Variants in LPIN1 observed in about 807,000 individuals in gnomAD.
The protein encoded by LPIN1 is phosphatidate phosphatase LPIN1.
LPIN1 carries 71 observed loss-of-function variants against 107.5 expected under a neutral mutation model. That is an observed-to-expected ratio of 0.66 (90% confidence interval 0.55 to 0.80). The LOEUF is 0.80. Among genes scored for constraint, LPIN1 ranks in the 30% least tolerant of loss-of-function variants. The pLI is 0.00. For missense variants in LPIN1, 1,043 were observed against 1,160.6 expected (o/e 0.90, Z 1.47); for synonymous variants, 445 against 452.6 (o/e 0.98, Z 0.21).
chr2:11,752,313 T>G (rs1667918127), intron 1 of LPIN1, among the ~76,000 whole-genome samples: 1 of 152,186 alleles, frequency 6.6e-6, no homozygotes, highest in Non-Finnish European at 1.5e-5. Context: ...CTGAAAGGCC[T>G]CTTTCGATTC....
At position 11,707,665 on chromosome 2, in the gene LPIN1, G is replaced by T. The variant is rs548808658; in HGVS notation, c.82-6091G>T. Among the ~76,000 whole-genome samples, 46 of 152,270 alleles carry T rather than the reference G, an allele frequency of 3.0e-4. No individual in the cohort carries two copies. In the South Asian group the frequency reaches 7.7e-3, roughly 25 times the overall value. On this transcript the variant is annotated intron_variant, in intron 1 of 21. Coordinates refer to the LPIN1 transcript ENST00000449576. This position sits in a 1 kb window ranked among gnomAD's most constrained non-coding sequence, Gnocchi z 4.2. ...TGCACGCACGGGGAGAAGTGCTCGGGGTCCCCCACTGGAGGTGGAGCTGCA... is the reference window on the plus strand; with the variant it reads ...TGCACGCACGGGGAGAAGTGCTCGGTGTCCCCCACTGGAGGTGGAGCTGCA...
Position 11,699,962 on chromosome 2 carries a change from C to A in LPIN1, c.82-13794C>A, listed in dbSNP as rs4586607. Among the ~76,000 whole-genome samples the A allele has an allele frequency of 6.0e-3, 915 of 152,248 alleles. 5 individuals are homozygous for A. Among genetic ancestry groups the A allele is most frequent in the Admixed American group, 8.7e-3 (133 of 15,294 alleles). ...TTAAAAAAAAAATGGGATGTAATACCCACAGCATTTGGAGAACTAAATGAA... is the reference window on the plus strand; with the variant it reads ...TTAAAAAAAAAATGGGATGTAATACACACAGCATTTGGAGAACTAAATGAA... On this transcript the variant is annotated intron_variant, in intron 1 of 21. Coordinates refer to the LPIN1 transcript ENST00000449576.
intron 1 of LPIN1, among the ~76,000 whole-genome samples, chr2:11,757,459 C>G (rs531883210): frequency 1.2e-4 from 18 of 152,158 alleles, no homozygotes; most frequent in South Asian, 2.1e-4. Flanking sequence ...GCCTTTTACT[C>G]GAAACATAAC....
chr2:11,713,692 C>T, intron 1 of LPIN1: 2 of 962,940 alleles, frequency 2.1e-6, no homozygotes, highest in Non-Finnish European at 3.1e-6. Context: ...AGTTATGCAA[C>T]CATTACCACC....
chr2:11,738,576 C>T (rs1666026406), intron 1 of LPIN1, among the ~76,000 whole-genome samples: 2 of 149,714 alleles, frequency 1.3e-5, no homozygotes, highest in Non-Finnish European at 2.9e-5. Flanking sequence ...TGTGAAACAA[C>T]AGTTAGTGGA....
chr2:11,801,207 A>T (rs1211502123), intron 14 of LPIN1, among the ~76,000 whole-genome samples: 1 of 152,252 alleles, frequency 6.6e-6, no homozygotes, highest in Non-Finnish European at 1.5e-5. Flanking sequence ...GATTTCTTAG[A>T]AAACTAAAAA....
intron 7 of LPIN1, 48 bp from the exon 8 acceptor site, chr2:11,782,153 T>A: frequency 6.7e-7 from 1 of 1,494,344 alleles, no homozygotes; most frequent in Non-Finnish European, 9.3e-7. Context: ...TGGTTGCCTT[T>A]GTGCTGACCT....
chr2:11,719,791 C>CTTTT (rs67142448), upstream of LPIN1, among the ~76,000 whole-genome samples: 55 of 132,764 alleles, frequency 4.1e-4, no homozygotes, highest in African/African-American at 1.4e-3. Context: ...CCAATTGCTT[C>CTTTT]TTTTTTTTTT....
intron 17 of LPIN1, among the ~76,000 whole-genome samples, chr2:11,808,262 A>G (rs1049078206): frequency 1.3e-5 from 2 of 152,112 alleles, no homozygotes; most frequent in Non-Finnish European, 2.9e-5. Flanking sequence ...CAGCCTCCAG[A>G]GCCAACCACT....
At chr2:11,795,556 T>G in intron 14 of LPIN1, 69 bp downstream of exon 14, 5 of 1,349,234 alleles carry the variant, frequency 3.7e-6, no homozygotes, top group Non-Finnish European at 4.3e-6. Flanking sequence ...GTGTGCTGCC[T>G]GGATGCAGAT....
At chr2:11,816,557 T>C (rs1381858187) in intron 18 of LPIN1, 1 of 152,176 alleles carries the variant, frequency 6.6e-6, no homozygotes, top group Non-Finnish European at 1.5e-5. Flanking sequence ...GAGGAATTAT[T>C]TTAAAAACCC....
chr2:11,820,169 C>T (rs1033949759), intron 19 of LPIN1, among the ~76,000 whole-genome samples: 3 of 152,098 alleles, frequency 2.0e-5, no homozygotes, highest in Non-Finnish European at 2.9e-5. Flanking sequence ...GTTAGAATTG[C>T]GGGGACGTGG....
chr2:11,795,361 C>T, intron 13 of LPIN1, 47 bp from the exon 14 acceptor site: 1 of 1,501,154 alleles, frequency 6.7e-7, no homozygotes, highest in East Asian at 2.3e-5. Flanking sequence ...GTCTGCAAGC[C>T]CCTTCTCTGT....
chr2:11,679,380 T>C (rs1661589299), intron 1 of LPIN1, among the ~76,000 whole-genome samples: 1 of 152,256 alleles, frequency 6.6e-6, no homozygotes, highest in African/African-American at 2.4e-5. Flanking sequence ...TATGTCTGTT[T>C]TCTGCTTATG....
intron 13 of LPIN1, among the ~76,000 whole-genome samples, chr2:11,794,272 T>G (rs1676286498): frequency 6.6e-6 from 1 of 152,244 alleles, no homozygotes. Context: ...TATATTTCAG[T>G]GACTTCTTTG....
upstream of LPIN1, chr2:11,745,983 T>A (rs1666859337): frequency 6.6e-6 from 1 of 152,282 alleles, no homozygotes; most frequent in Non-Finnish European, 1.5e-5. Context: ...TCATTGTTTA[T>A]CCGCTGCCTG....
chr2:11,692,993 C>T (rs986283515), intron 1 of LPIN1, among the ~76,000 whole-genome samples: 4 of 152,080 alleles, frequency 2.6e-5, no homozygotes, highest in Non-Finnish European at 5.9e-5. Context: ...TGGGTAGGGA[C>T]TGGCCAAATC....
intron 12 of LPIN1, 36 bp from the exon 13 acceptor site, chr2:11,791,878 T>G (rs1675806050): frequency 6.2e-7 from 1 of 1,609,426 alleles, no homozygotes; most frequent in South Asian, 1.1e-5. Context: ...GATCTTTTTT[T>G]GTTCCATTAT....
intron 1 of LPIN1, among the ~76,000 whole-genome samples, chr2:11,734,477 C>T (rs1046017721): frequency 3.3e-5 from 5 of 152,220 alleles, no homozygotes; most frequent in African/African-American, 1.2e-4. Flanking sequence ...TGACGGCACC[C>T]TTTATCCTTC....
Sources: allele counts gnomAD v4.1 joint callset (sites outside exome capture counted in the v4.1 genomes callset), GRCh38; gene constraint gnomAD v4.1.1; non-coding constraint Gnocchi (gnomAD v3.1); transcripts MANE v1.5; gene names NCBI Gene and HGNC (gene_info 2026-07-23, HGNC 2026-07-21).